Variants in PHACTR1 observed in about 807,000 individuals in gnomAD.
PHACTR1 encodes phosphatase and actin regulator 1, also known as RPEL repeat containing 1.
PHACTR1 carries 16 observed loss-of-function variants against 69.2 expected under a neutral mutation model. That is an observed-to-expected ratio of 0.23 (90% confidence interval 0.16 to 0.35). PHACTR1 has a LOEUF of 0.35. Among genes scored for constraint, PHACTR1 ranks in the 10% least tolerant of loss-of-function variants. PHACTR1 has a pLI of 1.00. For missense variants in PHACTR1, 510 were observed against 734.7 expected (o/e 0.69, Z 3.54); for synonymous variants, 312 against 284.5 (o/e 1.10, Z -0.97).
intron 4 of PHACTR1, among the ~76,000 whole-genome samples, chr6:12,911,302 G>C (rs1424944552): frequency 6.6e-6 from 1 of 152,044 alleles, no homozygotes; most frequent in Non-Finnish European, 1.5e-5. Context: ...TCGACATTGG[G>C]GGCTTTGTGT....
intron 5 of PHACTR1, among the ~76,000 whole-genome samples, chr6:13,121,041 C>G (rs1352007726): frequency 6.6e-6 from 1 of 152,056 alleles, no homozygotes; most frequent in African/African-American, 2.4e-5. Context: ...CAAGACAGAA[C>G]CAGATAAGGG....
At chr6:13,057,462 A>T (rs1176931901) in intron 5 of PHACTR1, among the ~76,000 whole-genome samples, 1 of 152,282 alleles carries the variant, frequency 6.6e-6, no homozygotes, top group East Asian at 1.9e-4. Flanking sequence ...TCCCTCTTTG[A>T]ACACACAAAA....
At chr6:13,090,237 G>T (rs112436491) in intron 5 of PHACTR1, among the ~76,000 whole-genome samples, 1 of 148,188 alleles carries the variant, frequency 6.7e-6, no homozygotes, top group Non-Finnish European at 1.5e-5. Flanking sequence ...TGTATTTTTA[G>T]TAGAGACAGG....
chr6:12,810,711 C>T (rs984559450), intron 4 of PHACTR1, among the ~76,000 whole-genome samples: 2 of 152,204 alleles, frequency 1.3e-5, no homozygotes, highest in Non-Finnish European at 2.9e-5. Flanking sequence ...GTTGACTCTG[C>T]TCTTCTCACC....
chr6:13,283,505 T>C lies in PHACTR1; in HGVS notation c.1593T>C (p.Ala531=), dbSNP rs1780765343. 1 of 1,613,722 alleles carries C rather than the reference T, an allele frequency of 6.2e-7. No homozygotes were observed. Among genetic ancestry groups the C allele is most frequent in the Admixed American group, 1.7e-5 (1 of 60,000 alleles). Residue 531 remains alanine, a synonymous_variant, in exon 13 of 15, where the codon GCT becomes GCC. Coordinates refer to ENST00000332995, the MANE Select transcript of PHACTR1 (RefSeq NM_030948.6). This position sits in a 1 kb window ranked among gnomAD's most constrained non-coding sequence, Gnocchi z 4.7. The part of the protein sequence containing the change: ...RFSDYVEVAD[A]QDYDRRADKP... ...GTGACTACGTGGAGGTGGCTGACGC[T>C]CAGGACTATGACCGCAGGGCAGATA... is the stretch of plus-strand genomic sequence containing the variant.
chr6:12,827,816 C>T (rs1776968121), intron 4 of PHACTR1, among the ~76,000 whole-genome samples: 1 of 152,122 alleles, frequency 6.6e-6, no homozygotes, highest in Non-Finnish European at 1.5e-5. Flanking sequence ...TAATTTCCTT[C>T]AACCACATTA....
At chr6:12,759,122 CAAAAAAAAAAA>C (rs1229879368) in intron 4 of PHACTR1, among the ~76,000 whole-genome samples, 2 of 51,482 alleles carry the variant, frequency 3.9e-5, no homozygotes, top group East Asian at 6.2e-4. Flanking sequence ...GACTCCACCT[CAAAAAAAAAAA>C]AAAAAAAAAA....
At position 13,044,587 on chromosome 6, in the gene PHACTR1, C is replaced by G. The variant is rs138344378; in HGVS notation, c.251-8778C>G. On this transcript the variant is annotated intron_variant, in intron 4 of 14. Coordinates refer to ENST00000332995, the MANE Select transcript of PHACTR1 (RefSeq NM_030948.6). ...TCAGGACGGAGATGAACTTCCTGAA[C>G]CACCCAGAGTGCGAGGAGAGGAGGA... Among the ~76,000 whole-genome samples the G allele has an allele frequency of 2.8e-3, 422 of 152,200 alleles. 2 individuals carry two copies. Among genetic ancestry groups the G allele is most frequent in the African/African-American group, 9.7e-3 (401 of 41,504 alleles).
At chr6:12,749,378 C>T (rs530139685) in intron 3 of PHACTR1, 42 of 534,402 alleles carry the variant, frequency 7.9e-5, no homozygotes, top group African/African-American at 6.9e-4. Flanking sequence ...CCCCGGGCGC[C>T]AGCCAGGGAT....
At chr6:13,083,253 G>C (rs1811702002) in intron 5 of PHACTR1, among the ~76,000 whole-genome samples, 1 of 151,958 alleles carries the variant, frequency 6.6e-6, no homozygotes, top group Non-Finnish European at 1.5e-5. Context: ...TCAGATAGTT[G>C]TAGATATGCG....
At chr6:12,987,852 G>T (rs1456457164) in intron 4 of PHACTR1, among the ~76,000 whole-genome samples, 1 of 152,182 alleles carries the variant, frequency 6.6e-6, no homozygotes, top group Non-Finnish European at 1.5e-5. Context: ...AAGTCCTGAT[G>T]ATAACTATAA....
chr6:13,196,421 T>TC (rs1554153716), intron 7 of PHACTR1: 1 of 86,434 alleles, frequency 1.2e-5, no homozygotes, highest in African/African-American at 4.2e-5. Context: ...GTTTTCTTTC[T>TC]TTTTTTTTTT....
intron 5 of PHACTR1, among the ~76,000 whole-genome samples, chr6:13,116,797 T>G (rs1036686180): frequency 2.6e-5 from 4 of 152,210 alleles, no homozygotes; most frequent in African/African-American, 9.6e-5. Context: ...TTTATTTGAG[T>G]GATCTCATTT....
At chr6:12,796,571 T>G (rs1186103147) in intron 4 of PHACTR1, among the ~76,000 whole-genome samples, 1 of 152,210 alleles carries the variant, frequency 6.6e-6, no homozygotes, top group East Asian at 1.9e-4. Flanking sequence ...AATCTTTGAT[T>G]TTATGGTCGG....
At chr6:13,121,860 G>T (rs1279302843) in intron 5 of PHACTR1, among the ~76,000 whole-genome samples, 1 of 152,212 alleles carries the variant, frequency 6.6e-6, no homozygotes, top group African/African-American at 2.4e-5. Flanking sequence ...CAGTGAATCA[G>T]TTTGGGAATC....
rs1781876801 is a variant in PHACTR1, at chr6:13,287,294, C to A, written c.*216C>A. ...TCCGAGCTGCTGGTCCCACTTCTGA[C>A]ACCAAAATGCATCCCAACCCCCGGC... is the stretch of plus-strand genomic sequence containing the variant. On this transcript the variant is annotated 3_prime_UTR_variant, in exon 15 of 15. Transcript: ENST00000332995. 2 of 574,344 alleles carry A rather than the reference C, an allele frequency of 3.5e-6. No individual in the cohort carries two copies. Among genetic ancestry groups the A allele is most frequent in the Non-Finnish European group, 6.0e-6 (2 of 332,658 alleles). 35.6% of individuals were successfully genotyped at this position (574,344 alleles called of 1,614,324 possible).
chr6:12,856,623 A>G (rs941190063), intron 4 of PHACTR1, among the ~76,000 whole-genome samples: 3 of 152,168 alleles, frequency 2.0e-5, no homozygotes, highest in South Asian at 4.1e-4. Context: ...ATGATCAACC[A>G]AATATACAGG....
intron 4 of PHACTR1, among the ~76,000 whole-genome samples, chr6:12,871,772 C>T (rs2127441532): frequency 6.6e-6 from 1 of 152,232 alleles, no homozygotes; most frequent in Middle Eastern, 3.4e-3. Flanking sequence ...ATTTTCACAG[C>T]TGTTCATGAT....
intron 4 of PHACTR1, among the ~76,000 whole-genome samples, chr6:12,884,170 A>T (rs2127459421): frequency 6.6e-6 from 1 of 152,022 alleles, no homozygotes; most frequent in South Asian, 2.1e-4. Context: ...ATACATACAA[A>T]CATGTTCTCC....
Sources: allele counts gnomAD v4.1 joint callset (sites outside exome capture counted in the v4.1 genomes callset), GRCh38; gene constraint gnomAD v4.1.1; non-coding constraint Gnocchi (gnomAD v3.1); transcripts MANE v1.5; gene names NCBI Gene and HGNC (gene_info 2026-07-23, HGNC 2026-07-21).